Variants in FAM120A observed in about 807,000 individuals in gnomAD.
FAM120A encodes constitutive coactivator of PPAR-gamma-like protein 1.
In FAM120A, 15 loss-of-function variants were observed where a neutral mutation model predicts 109.7. That is an observed-to-expected ratio of 0.14 (90% CI 0.09 to 0.21). The LOEUF (loss-of-function observed/expected upper bound fraction) is 0.21, where lower values mean the gene tolerates loss of function less well. Ranked by LOEUF, FAM120A falls within the 10% of genes least tolerant of loss-of-function variation. FAM120A has a pLI of 1.00. For synonymous variants in FAM120A, 493 were observed against 572.8 expected (o/e 0.86, Z 1.99); for missense variants, 899 against 1,439.3 (o/e 0.62, Z 6.07).
chr9:93,494,196 C>T (rs1859468551), intron 3 of FAM120A, among the ~76,000 whole-genome samples: 1 of 152,186 alleles, frequency 6.6e-6, no homozygotes, highest in South Asian at 2.1e-4. Context: ...AGAGAGGCCT[C>T]TCGCCAATCG....
rs1054435559 is a variant in FAM120A at position 93,452,926 on chromosome 9, G to A, written c.474+537G>A. 1.4e-6 allele frequency: 2 copies of A among 1,421,822 alleles called. No homozygotes were observed. Among genetic ancestry groups the A allele is most frequent in the African/African-American group, 1.4e-5 (1 of 69,202 alleles). 88.1% of individuals were successfully genotyped at this position (1,421,822 alleles called of 1,614,324 possible). The stretch of plus-strand genomic sequence containing the variant: ...TGTTAGCCCGGTGACAGCGAGACGT[G>A]TCTAAGGGCCAGTGCCCTGGCCTCT... On this transcript the variant is annotated intron_variant, in intron 1 of 17. Coordinates refer to ENST00000277165, the MANE Select transcript of FAM120A (RefSeq NM_014612.5). This position sits in a 1 kb window ranked among gnomAD's most constrained non-coding sequence, Gnocchi z 7.0.
At chr9:93,487,708 T>C (rs1859126575) in intron 3 of FAM120A, among the ~76,000 whole-genome samples, 1 of 152,202 alleles carries the variant, frequency 6.6e-6, no homozygotes, top group South Asian at 2.1e-4. Context: ...AATGGGACTC[T>C]GGGGTGATGG....
chr9:93,492,178 G>GTATA (rs10631729), intron 3 of FAM120A, among the ~76,000 whole-genome samples: 41 of 151,400 alleles, frequency 2.7e-4, no homozygotes, highest in African/African-American at 1.0e-3. Flanking sequence ...GTGTGTGTGT[G>GTATA]TGTATATATA....
At position 93,543,282 on chromosome 9, in the gene FAM120A, A is replaced by T. The variant is rs749377814; in HGVS notation, c.1970A>T (p.Glu657Val). The change falls in exon 11 of 18, where the codon GAA becomes GTA. Residue 657 changes from glutamate to valine, a missense_variant. Around this residue, in one of 11 missense-constraint regions of FAM120A, gnomAD observed 133 missense variants for 276.6 expected, o/e 0.48. Transcript: ENST00000277165. The stretch of plus-strand genomic sequence containing the variant: ...AAAGGAAAGTCTCCTCAAACCCCGG[A>T]ACTGGTTGAAGCTCTTGCCTTCAGG... ...AYKGKSPQTP[E>V]LVEALAFREW... 6.2e-7 allele frequency: 1 copy of T among 1,614,178 alleles called. No homozygotes were observed. The highest frequency in any genetic ancestry group is 8.5e-7 in the Non-Finnish European group (1 of 1,180,034).
At chr9:93,527,330 T>C (rs1056763879) in intron 8 of FAM120A, 88 bp downstream of exon 8, 39 of 957,780 alleles carry the variant, frequency 4.1e-5, no homozygotes, top group Middle Eastern at 4.2e-4. Flanking sequence ...AAAAATAATA[T>C]CTCTCTCTTT....
chr9:93,480,059 C>CAATGTT (rs2131290486), intron 3 of FAM120A, among the ~76,000 whole-genome samples: 1 of 152,230 alleles, frequency 6.6e-6, no homozygotes, highest in Non-Finnish European at 1.5e-5. Flanking sequence ...ATTATGAATG[C>CAATGTT]AATGTTAGAC....
At chr9:93,457,716 T>G (rs1212232166) in intron 1 of FAM120A, among the ~76,000 whole-genome samples, 1 of 152,190 alleles carries the variant, frequency 6.6e-6, no homozygotes, top group Admixed American at 6.5e-5. Context: ...AACTTGGTTC[T>G]AAGTTAGCTT....
chr9:93,545,236 G>A (rs116973503), intron 11 of FAM120A, among the ~76,000 whole-genome samples: 370 of 152,270 alleles, frequency 2.4e-3, no homozygotes, highest in Non-Finnish European at 3.4e-3. Context: ...GTTCTGTGCT[G>A]CAGGAACTTT....
intron 1 of FAM120A, 80 bp from the exon 2 acceptor site, chr9:93,471,061 C>T: frequency 1.3e-6 from 2 of 1,495,432 alleles, no homozygotes; most frequent in South Asian, 2.5e-5. Context: ...TTTTCAGCTT[C>T]TGTGCAAACA....
Position 93,561,094 on chromosome 9 carries a change from A to T in FAM120A, c.2807-15A>T. 6.2e-7 allele frequency: 1 copy of T among 1,611,850 alleles called. No homozygotes were observed. The highest frequency in any genetic ancestry group is 8.5e-7 in the Non-Finnish European group (1 of 1,179,320). The stretch of plus-strand genomic sequence containing the variant: ...GATTGTAAAGATTTTGTCTTTTTGT[A>T]TATTTTTTATGCAGGAGTCCAACCT... On this transcript the variant is annotated splice_polypyrimidine_tract_variant and intron_variant, in intron 15 of 17. Transcript: ENST00000277165.
chr9:93,562,078 C>T (rs577145806), intron 16 of FAM120A, 130 bp from the exon 17 acceptor site: 26 of 747,530 alleles, frequency 3.5e-5, no homozygotes, highest in East Asian at 2.0e-4. Context: ...TTGCAACTTC[C>T]GGCATAAATG....
At chr9:93,469,847 G>C (rs2131254136) in intron 1 of FAM120A, among the ~76,000 whole-genome samples, 1 of 152,202 alleles carries the variant, frequency 6.6e-6, no homozygotes, top group African/African-American at 2.4e-5. Context: ...CTCTCAGTGA[G>C]ATTTCATTAT....
intron 11 of FAM120A, among the ~76,000 whole-genome samples, chr9:93,545,930 A>G: frequency 6.6e-6 from 1 of 151,452 alleles, no homozygotes; most frequent in East Asian, 1.9e-4. Flanking sequence ...GATTACAGGC[A>G]TGCGCCACCA....
chr9:93,465,811 A>T (rs1407291200), intron 1 of FAM120A, among the ~76,000 whole-genome samples: 2 of 152,204 alleles, frequency 1.3e-5, no homozygotes, highest in Non-Finnish European at 2.9e-5. Context: ...GACCCTGGTC[A>T]GGACCTCTAG....
intron 5 of FAM120A, among the ~76,000 whole-genome samples, chr9:93,513,960 T>G (rs1307709725): frequency 6.6e-6 from 1 of 152,230 alleles, no homozygotes; most frequent in Non-Finnish European, 1.5e-5. Flanking sequence ...GTGGTGGTTC[T>G]TGGGTTGTGT....
At chr9:93,460,468 A>G (rs1024857646) in intron 1 of FAM120A, among the ~76,000 whole-genome samples, 1 of 152,024 alleles carries the variant, frequency 6.6e-6, no homozygotes, top group Non-Finnish European at 1.5e-5. Flanking sequence ...CAGCCTCCCA[A>G]GTAGCTGGGA....
chr9:93,499,002 T>C (rs1859690069), intron 5 of FAM120A, 116 bp downstream of exon 5: 2 of 765,374 alleles, frequency 2.6e-6, no homozygotes, highest in African/African-American at 1.7e-5. Context: ...TCTGTAGTTA[T>C]GCCAGTAAGT....
In FAM120A at chr9:93,532,041, T is replaced by C. The variant is rs914103933; in HGVS notation, c.1735-114T>C. On this transcript the variant is annotated intron_variant, in intron 9 of 17. Coordinates refer to ENST00000277165, the MANE Select transcript of FAM120A (RefSeq NM_014612.5). This position sits in a 1 kb window ranked among gnomAD's most constrained non-coding sequence, Gnocchi z 4.3. The stretch of plus-strand genomic sequence containing the variant: ...TTAGGCAAGTTGTTAAGCAGTTGAT[T>C]TGGAATGGAATTGCAATGTCATTAA... 1 of 1,022,678 alleles carries C rather than the reference T, an allele frequency of 9.8e-7. No individual in the cohort carries two copies. The highest frequency in any genetic ancestry group is 1.5e-6 in the Non-Finnish European group (1 of 689,066). The allele number at this position is 1,022,678 out of a possible 1,614,324, so 63.4% of individuals were successfully genotyped here.
intron 5 of FAM120A, among the ~76,000 whole-genome samples, chr9:93,503,984 C>T (rs1859920455): frequency 1.3e-5 from 2 of 152,038 alleles, no homozygotes; most frequent in African/African-American, 4.8e-5. Context: ...AAGTGAACAC[C>T]AGGGAATCCT....
Sources: gnomAD v4.1 joint callset for allele counts (sites outside exome capture counted in the v4.1 genomes callset) on GRCh38, gnomAD v4.1.1 for gene constraint, gnomAD v4.1.1 regional missense constraint, Gnocchi (gnomAD v3.1) non-coding constraint, MANE v1.5 for transcripts, NCBI Gene and HGNC (gene_info 2026-07-23, HGNC 2026-07-21) for gene names.